Variants in BICD1 observed in about 807,000 individuals in gnomAD.
BICD1 encodes the protein BICD cargo adaptor 1.
BICD1 carries 35 observed loss-of-function variants against 92.5 expected under a neutral mutation model. That is an observed-to-expected ratio of 0.38 (90% CI 0.29 to 0.50). The LOEUF is 0.50. Ranked by LOEUF, BICD1 falls within the 20% of genes least tolerant of loss-of-function variation. BICD1 has a pLI of 0.93. For synonymous variants in BICD1, 429 were observed against 465.1 expected (o/e 0.92, Z 1.00); for missense variants, 950 against 1,189.8 (o/e 0.80, Z 2.97).
chr12:32,193,125 C>A (rs975760378), intron 1 of BICD1, among the ~76,000 whole-genome samples: 22 of 152,224 alleles, frequency 1.4e-4, no homozygotes, highest in African/African-American at 5.3e-4. Flanking sequence ...GACAGTATTG[C>A]CTATTACAGA....
chr12:32,221,313 G>A (rs993528164), intron 2 of BICD1, among the ~76,000 whole-genome samples: 2 of 148,352 alleles, frequency 1.3e-5, no homozygotes, highest in Admixed American at 6.7e-5. Flanking sequence ...CTGACATGTG[G>A]CAAAACAAAT....
intron 3 of BICD1, among the ~76,000 whole-genome samples, chr12:32,299,592 G>C (rs1021898746): frequency 6.6e-6 from 1 of 152,094 alleles, no homozygotes; most frequent in Admixed American, 6.6e-5. Flanking sequence ...GGCCAGGCAC[G>C]GTGGCTCACA....
chr12:32,367,034 G>A (rs1356634024), intron 8 of BICD1, among the ~76,000 whole-genome samples: 1 of 152,124 alleles, frequency 6.6e-6, no homozygotes, highest in Non-Finnish European at 1.5e-5. Flanking sequence ...TCTCATTCAG[G>A]TTAGCTTTCT....
chr12:32,107,165 C>T lies in BICD1; in HGVS notation c.-167C>T, dbSNP rs1941500980. On this transcript the variant is annotated 5_prime_UTR_variant, in exon 1 of 10. Transcript: ENST00000652176. ...CTCGTCAGTTTCTCGGGCGGTGTAG[C>T]TGCCGCTGCCACCAGAGCCGGCGGG... The T allele has an allele frequency of 4.5e-6, 3 of 661,458 alleles. No individual in the cohort carries two copies. The highest frequency in any genetic ancestry group is 3.8e-5 in the South Asian group (2 of 52,440). 41.0% of individuals were successfully genotyped at this position (661,458 alleles called of 1,614,324 possible). A position where few individuals can be genotyped will look rare whatever the true frequency, so the allele number is the denominator to read the frequency against.
At chr12:32,249,999 G>A (rs1946486196) in intron 2 of BICD1, among the ~76,000 whole-genome samples, 1 of 151,502 alleles carries the variant, frequency 6.6e-6, no homozygotes, top group African/African-American at 2.4e-5. Context: ...AAAGCTGTAT[G>A]GTGGAGAGGC....
intron 1 of BICD1, among the ~76,000 whole-genome samples, chr12:32,148,494 G>T (rs1001285650): frequency 6.6e-6 from 1 of 152,294 alleles, no homozygotes; most frequent in Non-Finnish European, 1.5e-5. Context: ...TCTCCTGTGG[G>T]TTTAATTCAC....
intron 2 of BICD1, among the ~76,000 whole-genome samples, chr12:32,271,454 A>T (rs1000783650): frequency 6.6e-6 from 1 of 152,234 alleles, no homozygotes; most frequent in South Asian, 2.1e-4. Flanking sequence ...TTATAGATTA[A>T]CTTCCTTCCT....
At chr12:32,323,318 A>C (rs554803722) in intron 4 of BICD1, among the ~76,000 whole-genome samples, 171 of 152,358 alleles carry the variant, frequency 1.1e-3, no homozygotes, top group African/African-American at 3.8e-3. Flanking sequence ...CCATGTAAAA[A>C]CATTTTGGTT....
chr12:32,129,775 T>C lies in BICD1; in HGVS notation c.213+22231T>C, dbSNP rs1003211315. On this transcript the variant is annotated intron_variant, in intron 1 of 9. Transcript: ENST00000652176. ...TTTTATCCCCTCCCTTCATTAACTTTACATTGCAATACCAAGGACTTAATG... is the reference window on the plus strand; with the variant it reads ...TTTTATCCCCTCCCTTCATTAACTTCACATTGCAATACCAAGGACTTAATG... 3.9e-5 allele frequency among the ~76,000 whole-genome samples: 6 copies of C among 152,144 alleles called. No individual in the cohort carries two copies. In the East Asian group the frequency reaches 1.2e-3, roughly 29 times the overall value.
At chr12:32,345,688 T>A (rs1938538865) in intron 8 of BICD1, among the ~76,000 whole-genome samples, 1 of 152,236 alleles carries the variant, frequency 6.6e-6, no homozygotes, top group South Asian at 2.1e-4. Flanking sequence ...ATGCTTGAGC[T>A]CTTTAAGAAA....
chr12:32,291,356 G>T lies in BICD1; in HGVS notation c.427-2638G>T, dbSNP rs149278237. On this transcript the variant is annotated intron_variant, in intron 2 of 9. Coordinates refer to ENST00000652176, the MANE Select transcript of BICD1 (RefSeq NM_001714.4). Reference sequence around the variant, plus strand: ...ATTCGAGACCAGCTTAGGCAACATGGCGAGACCCCACCTCTATAAAAAATT... The same window carrying T: ...ATTCGAGACCAGCTTAGGCAACATGTCGAGACCCCACCTCTATAAAAAATT... Among the ~76,000 whole-genome samples, 829 of 151,858 alleles carry T rather than the reference G, an allele frequency of 5.5e-3. 5 individuals carry two copies. The highest frequency in any genetic ancestry group is 0.019 in the African/African-American group (776 of 41,408).
intron 4 of BICD1, among the ~76,000 whole-genome samples, chr12:32,314,897 T>C (rs1948460870): frequency 6.6e-6 from 1 of 152,100 alleles, no homozygotes. Context: ...CCTCCCACCT[T>C]AGCCTTCTGA....
intron 9 of BICD1, among the ~76,000 whole-genome samples, chr12:32,374,212 CAA>C (rs1297620485): frequency 9.4e-6 from 1 of 106,786 alleles, no homozygotes; most frequent in Admixed American, 9.9e-5. Flanking sequence ...AGATTCTGCT[CAA>C]AAAAAAAAAG....
chr12:32,300,745 C>CGCT (rs1948020280), intron 3 of BICD1, among the ~76,000 whole-genome samples: 2 of 147,242 alleles, frequency 1.4e-5, no homozygotes, highest in African/African-American at 5.0e-5. Flanking sequence ...CCCGGGTTCA[C>CGCT]GCCATTCTCC....
At chr12:32,373,370 T>C (rs1362032390) in intron 9 of BICD1, among the ~76,000 whole-genome samples, 2 of 152,220 alleles carry the variant, frequency 1.3e-5, no homozygotes, top group Non-Finnish European at 2.9e-5. Context: ...ATATACACCA[T>C]GTGATTGCAG....
At chr12:32,118,412 C>T (rs1221656397) in intron 1 of BICD1, among the ~76,000 whole-genome samples, 1 of 152,112 alleles carries the variant, frequency 6.6e-6, no homozygotes, top group Non-Finnish European at 1.5e-5. Context: ...GCATCGTCAA[C>T]TAGTCAGGCC....
intron 2 of BICD1, among the ~76,000 whole-genome samples, chr12:32,216,664 C>T (rs1945371500): frequency 6.6e-6 from 1 of 152,120 alleles, no homozygotes; most frequent in Non-Finnish European, 1.5e-5. Context: ...TTTATTGTTT[C>T]TTGAAAATTA....
chr12:32,118,069 T>TTTATTTTATTTTATTTTATTTTATG lies in BICD1; in HGVS notation c.213+10546_213+10547insTATGTTATTTTATTTTATTTTATTT, dbSNP rs1942005679. Reference sequence around the variant, plus strand: ...CGGCCCGCTTAGTCCAATATTTTATTTTATTTTATTTTATTTTATTTATTT... The same window carrying TTTATTTTATTTTATTTTATTTTATG: ...CGGCCCGCTTAGTCCAATATTTTATTTTATTTTATTTTATTTTATTTTATGTTATTTTATTTTATTTTATTTATTT... On this transcript the variant is annotated intron_variant, in intron 1 of 9. Transcript: ENST00000652176. 7.0e-5 allele frequency among the ~76,000 whole-genome samples: 10 copies of TTTATTTTATTTTATTTTATTTTATG among 142,604 alleles called. No homozygotes were observed. The South Asian group carries it at 2.2e-3, about 32-fold the overall frequency. 93.6% of individuals were successfully genotyped at this position (142,604 alleles called of 152,430 possible). A position where few individuals can be genotyped will look rare whatever the true frequency, so the allele number is the denominator to read the frequency against.
intron 8 of BICD1, chr12:32,353,425 CATGTT>C (rs1169225984): frequency 1.3e-5 from 2 of 151,452 alleles, no homozygotes; most frequent in Admixed American, 1.3e-4. Context: ...ATGTGGATTA[CATGTT>C]ATAAGTCTTT....
Sources: allele counts gnomAD v4.1 joint callset (sites outside exome capture counted in the v4.1 genomes callset), GRCh38; gene constraint gnomAD v4.1.1; transcripts MANE v1.5; gene names NCBI Gene and HGNC (gene_info 2026-07-23, HGNC 2026-07-21).